Variants in ABCA8 observed in about 807,000 individuals in gnomAD.
ABCA8 encodes the protein ABC-type organic anion transporter ABCA8.
ABCA8 carries 177 observed loss-of-function variants against 192.3 expected under a neutral mutation model. That is an observed-to-expected ratio of 0.92 (90% confidence interval 0.81 to 1.04). The LOEUF is 1.04. Ranked by LOEUF, ABCA8 falls within the 50% of genes least tolerant of loss-of-function variation. The pLI, the probability that ABCA8 is intolerant of heterozygous loss-of-function variation, is 0.00. For synonymous variants in ABCA8, 642 were observed against 690.2 expected (o/e 0.93, Z 1.09); for missense variants, 1,915 against 1,904.8 (o/e 1.01, Z -0.10).
rs576840986 is a variant in ABCA8 at position 68,937,376 on chromosome 17, A to G, written c.302-261T>C. 2.0e-5 allele frequency among the ~76,000 whole-genome samples: 3 copies of G among 152,292 alleles called. 1 individual carries two copies. The highest frequency in any genetic ancestry group is 4.2e-4 in the South Asian group (2 of 4,818). ...ACTGAGCCAATTTCAATCACATACAATGTCCTACTATACCAATTAAACTGT... is the reference window on the plus strand; with the variant it reads ...ACTGAGCCAATTTCAATCACATACAGTGTCCTACTATACCAATTAAACTGT... On this transcript the variant is annotated intron_variant, in intron 4 of 39. Transcript: ENST00000586539.
At chr17:68,895,781 T>A (rs1257128028) in intron 21 of ABCA8, among the ~76,000 whole-genome samples, 1 of 152,158 alleles carries the variant, frequency 6.6e-6, no homozygotes, top group Admixed American at 6.5e-5. Context: ...TTGCAGAAGA[T>A]CAATACCAGG....
rs544832875 is a variant in ABCA8 at position 68,899,493 on chromosome 17, G to A, written c.2764+3220C>T. ...GACAAAATAGATGAAAACAAAAAAT[G>A]TTACTAGAAAGCATAAGAGACATTT... On this transcript the variant is annotated intron_variant, in intron 21 of 39. Transcript: ENST00000586539. 1.8e-4 allele frequency among the ~76,000 whole-genome samples: 28 copies of A among 152,090 alleles called. 1 individual carries two copies. The highest frequency in any genetic ancestry group is 6.0e-4 in the African/African-American group (25 of 41,520).
intron 32 of ABCA8, chr17:68,878,897 T>C (rs1467191428): frequency 6.6e-6 from 1 of 152,252 alleles, no homozygotes; most frequent in Non-Finnish European, 1.5e-5. Flanking sequence ...AGCTGTCTTT[T>C]CCTTTCTTGG....
chr17:68,917,387 C>T lies in ABCA8; in HGVS notation c.2112G>A (p.Lys704=). The T allele has an allele frequency of 6.2e-7, 1 of 1,612,126 alleles. No homozygotes were observed. Among genetic ancestry groups the T allele is most frequent in the Non-Finnish European group, 8.5e-7 (1 of 1,178,814 alleles). The part of the protein sequence containing the change: ...KCAGSSLFLK[K]KWGIGYHLSL... The stretch of plus-strand genomic sequence containing the variant: ...TTAAGTGATATCCAATCCCCCATTT[C>T]TTCTTTAGAAACAAAGAAGAGCCCG... Residue 704 remains lysine (K), a synonymous_variant, in exon 17 of 40, where the codon AAG becomes AAA. Transcript: ENST00000586539.
At position 68,868,071 on chromosome 17, in the gene ABCA8, C is replaced by T; in HGVS notation, c.*14G>A. The T allele has an allele frequency of 6.3e-7, 1 of 1,581,786 alleles. No homozygotes were observed. Among genetic ancestry groups the T allele is most frequent in the African/African-American group, 1.4e-5 (1 of 73,138 alleles). ...AAAACCACGGGTTTAAACAGGAACA[C>T]AGAATTTGGGGTTTTAAGGCTCTTC... On this transcript the variant is annotated 3_prime_UTR_variant, in exon 40 of 40. Transcript: ENST00000586539.
rs1218754847 is a variant in ABCA8 at position 68,911,217 on chromosome 17, G to T, written c.2139-3338C>A. Among the ~76,000 whole-genome samples, 1 of 152,128 alleles carries T rather than the reference G, an allele frequency of 6.6e-6. No homozygotes were observed. Among genetic ancestry groups the T allele is most frequent in the Non-Finnish European group, 1.5e-5 (1 of 68,018 alleles). On this transcript the variant is annotated intron_variant, in intron 17 of 39. Transcript: ENST00000586539. The surrounding 1 kb of genome is among the most constrained non-coding windows in gnomAD (Gnocchi z 5.7). ...AGAGGGGAGCCCATTGCCCTGAAGG[G>T]AGCTGCTACCCAGGCCTGGCAGCAT...
At chr17:68,895,820 C>T (rs2066739045) in intron 21 of ABCA8, among the ~76,000 whole-genome samples, 1 of 152,182 alleles carries the variant, frequency 6.6e-6, no homozygotes, top group African/African-American at 2.4e-5. Context: ...CTGGAGTTCT[C>T]TTCCTCCACC....
intron 38 of ABCA8, among the ~76,000 whole-genome samples, chr17:68,868,700 A>G (rs765392633): frequency 3.9e-5 from 6 of 152,170 alleles, no homozygotes; most frequent in Admixed American, 6.5e-5. Flanking sequence ...AAAGGCTTGT[A>G]TCAGAAGATT....
At chr17:68,937,885 G>A (rs1384848679) in intron 4 of ABCA8, among the ~76,000 whole-genome samples, 3 of 151,894 alleles carry the variant, frequency 2.0e-5, no homozygotes, top group Non-Finnish European at 2.9e-5. Context: ...ATAGAGTACA[G>A]AATATAGAAT....
chr17:68,928,225 A>G (rs1169197741), intron 9 of ABCA8, among the ~76,000 whole-genome samples, 162 bp from the exon 10 acceptor site: 2 of 152,226 alleles, frequency 1.3e-5, no homozygotes, highest in Non-Finnish European at 2.9e-5. Context: ...TATGCCTTGG[A>G]AGGCATGGAC....
chr17:68,900,842 G>A (rs2066890088), intron 21 of ABCA8, among the ~76,000 whole-genome samples: 1 of 151,954 alleles, frequency 6.6e-6, no homozygotes, highest in Non-Finnish European at 1.5e-5. Flanking sequence ...GAAAACATTT[G>A]ACAAATCCAA....
intron 37 of ABCA8, among the ~76,000 whole-genome samples, chr17:68,871,658 G>A (rs568025356): frequency 1.3e-5 from 2 of 152,134 alleles, no homozygotes; most frequent in South Asian, 4.1e-4. Context: ...ACATAATGAT[G>A]TCATAATCAA....
intron 24 of ABCA8, 41 bp downstream of exon 24, chr17:68,891,447 CA>C: frequency 7.0e-7 from 1 of 1,425,234 alleles, no homozygotes; most frequent in Non-Finnish European, 9.8e-7. Context: ...CTTCTGCTTT[CA>C]ATTATGCAAA....
Position 68,887,340 on chromosome 17 carries a change from A to C in ABCA8, c.3311T>G (p.Ile1104Ser). 1 of 1,598,644 alleles carries C rather than the reference A, an allele frequency of 6.3e-7. No individual in the cohort carries two copies. Among genetic ancestry groups the C allele is most frequent in the South Asian group, 1.1e-5 (1 of 88,122 alleles). The change falls in exon 25 of 40, where the codon ATT becomes AGT. Residue 1104 changes from isoleucine to serine, a missense_variant. Ile to Ser is a moderately radical substitution (Grantham distance 142). Transcript: ENST00000586539. ...EDMLLTIIHI[I>S]QIPCAVGYSF... is the part of the protein sequence containing the mutation. ...TACTTGGATATTGTCACTTACTTGA[A>C]TAATATGAATTATTGTAAGTAGCAT...
At chr17:68,889,373 A>G (rs1286125325) in intron 24 of ABCA8, among the ~76,000 whole-genome samples, 2 of 152,186 alleles carry the variant, frequency 1.3e-5, no homozygotes, top group African/African-American at 4.8e-5. Context: ...CTTTTAAACA[A>G]GATGCTCAGG....
chr17:68,937,236 CT>C, intron 4 of ABCA8, 121 bp from the exon 5 acceptor site: 1 of 864,120 alleles, frequency 1.2e-6, no homozygotes, highest in Non-Finnish European at 1.7e-6. Context: ...CAAGTATTAA[CT>C]TTTAGAAAGT....
At chr17:68,939,847 T>C (rs1193414884) in intron 4 of ABCA8, among the ~76,000 whole-genome samples, 5 of 152,180 alleles carry the variant, frequency 3.3e-5, no homozygotes, top group South Asian at 2.1e-4. Context: ...GTCACCCTAC[T>C]GATCTATCGA....
chr17:68,943,763 T>G (rs1209779284), intron 2 of ABCA8, among the ~76,000 whole-genome samples: 2 of 152,150 alleles, frequency 1.3e-5, no homozygotes, highest in Non-Finnish European at 2.9e-5. Context: ...TGTTAAATTT[T>G]TAATGGCTGA....
chr17:68,892,726 C>A (rs2066646111), intron 23 of ABCA8, among the ~76,000 whole-genome samples: 1 of 152,084 alleles, frequency 6.6e-6, no homozygotes, highest in Non-Finnish European at 1.5e-5. Flanking sequence ...CTTGGTGGGT[C>A]CCTAAAATCA....
Sources: allele counts gnomAD v4.1 joint callset (sites outside exome capture counted in the v4.1 genomes callset), GRCh38; gene constraint gnomAD v4.1.1; non-coding constraint Gnocchi (gnomAD v3.1); transcripts MANE v1.5; gene names NCBI Gene and HGNC (gene_info 2026-07-23, HGNC 2026-07-21).